Variants in CSMD2 observed in about 807,000 individuals in gnomAD.
CSMD2 encodes CUB and sushi domain-containing protein 2.
In CSMD2, 130 loss-of-function variants were observed where a neutral mutation model predicts 398.5. The observed-to-expected ratio is 0.33, with a 90% CI of 0.28 to 0.38. The LOEUF (loss-of-function observed/expected upper bound fraction) is 0.38, where lower values mean the gene tolerates loss of function less well. Among genes scored for constraint, CSMD2 ranks in the 10% least tolerant of loss-of-function variants. CSMD2 has a pLI of 1.00. For synonymous variants in CSMD2, 1,828 were observed against 1,908.5 expected (o/e 0.96, Z 1.10); for missense variants, 3,829 against 4,764.9 (o/e 0.80, Z 5.78).
chr1:33,992,635 G>A (rs1646593173), intron 3 of CSMD2, among the ~76,000 whole-genome samples: 1 of 151,740 alleles, frequency 6.6e-6, no homozygotes, highest in African/African-American at 2.4e-5. Context: ...TTGGGAGGCT[G>A]AGGTGGGCAG....
intron 57 of CSMD2, among the ~76,000 whole-genome samples, chr1:33,544,424 T>G (rs1360613168): frequency 5.3e-5 from 8 of 152,088 alleles, no homozygotes; most frequent in Non-Finnish European, 8.8e-5. Context: ...GCCTCCATAT[T>G]TGTCTTGTAT....
chr1:33,996,727 C>T (rs1214651530), intron 3 of CSMD2, among the ~76,000 whole-genome samples: 2 of 148,394 alleles, frequency 1.3e-5, no homozygotes, highest in South Asian at 2.1e-4. Context: ...AAACTGGAAC[C>T]GATTCTACGA....
chr1:33,710,685 C>T (rs1337176309), intron 21 of CSMD2, among the ~76,000 whole-genome samples: 1 of 152,144 alleles, frequency 6.6e-6, no homozygotes, highest in Admixed American at 6.5e-5. Context: ...TTGCTTGGGC[C>T]TTATAGTTAA....
intron 13 of CSMD2, among the ~76,000 whole-genome samples, chr1:33,748,871 C>T (rs1647772552): frequency 6.6e-6 from 1 of 152,136 alleles, no homozygotes; most frequent in Non-Finnish European, 1.5e-5. Context: ...TGCCCATGGA[C>T]TATTACAAAA....
chr1:33,907,516 A>G (rs1183191089), intron 5 of CSMD2, among the ~76,000 whole-genome samples: 1 of 151,980 alleles, frequency 6.6e-6, no homozygotes, highest in East Asian at 1.9e-4. Context: ...GAATGGGGAG[A>G]GAAGACTTGA....
In CSMD2 at chr1:33,602,515, G is replaced by T. The variant is rs377152497; in HGVS notation, c.6564C>A (p.Asn2188Lys). The T allele has an allele frequency of 1.9e-6, 3 of 1,593,444 alleles. No homozygotes were observed. The highest frequency in any genetic ancestry group is 1.3e-5 in the African/African-American group (1 of 74,592). ...VPCGGNITSS[N>K]GTVYSPGFPS... ...GGAACCCCGGGGAGTACACAGTGCC[G>T]TTGGAAGAAGTGATGTTCCCGCCAC... Residue 2188 changes from asparagine to lysine, a missense_variant, in exon 43 of 71, where the codon AAC becomes AAA. Asn to Lys is a moderately conservative substitution (Grantham distance 94). Coordinates refer to ENST00000373381, the MANE Select transcript of CSMD2 (RefSeq NM_001281956.2).
At chr1:33,683,984 G>A (rs1644985878) in intron 25 of CSMD2, among the ~76,000 whole-genome samples, 1 of 152,178 alleles carries the variant, frequency 6.6e-6, no homozygotes, top group Non-Finnish European at 1.5e-5. Flanking sequence ...CATGATTCCT[G>A]GCAAGAGCTG....
chr1:33,831,055 G>A (rs1251445891), intron 6 of CSMD2, among the ~76,000 whole-genome samples: 5 of 152,132 alleles, frequency 3.3e-5, no homozygotes, highest in Non-Finnish European at 5.9e-5. Context: ...TGAAAGTGAC[G>A]GGGAGAATGG....
intron 64 of CSMD2, among the ~76,000 whole-genome samples, chr1:33,529,004 C>G (rs896365488): frequency 6.6e-6 from 1 of 152,150 alleles, no homozygotes; most frequent in Non-Finnish European, 1.5e-5. Context: ...TTCCAGCTCT[C>G]TAGTTTGCAG....
intron 5 of CSMD2, among the ~76,000 whole-genome samples, chr1:33,895,898 C>G (rs573753688): frequency 2.4e-4 from 37 of 152,256 alleles, no homozygotes; most frequent in Middle Eastern, 3.4e-3. Flanking sequence ...GAGCAACCAA[C>G]TCCCCTCTCA....
chr1:34,159,335 C>T (rs549099264), intron 1 of CSMD2, among the ~76,000 whole-genome samples: 3,430 of 81,136 alleles, frequency 0.042, 161 homozygotes, highest in African/African-American at 0.15. Flanking sequence ...CCTGCCCCCC[C>T]CCCACCCAGG....
intron 1 of CSMD2, among the ~76,000 whole-genome samples, chr1:34,101,355 TTTTGGATGA>T (rs1319024316): frequency 6.6e-6 from 1 of 152,194 alleles, no homozygotes; most frequent in African/African-American, 2.4e-5. Flanking sequence ...CATTCATTTG[TTTTGGATGA>T]TTTGGATGAT....
At chr1:33,659,600 C>G (rs970887041) in intron 26 of CSMD2, among the ~76,000 whole-genome samples, 19 of 152,196 alleles carry the variant, frequency 1.2e-4, no homozygotes, top group Non-Finnish European at 2.5e-4. Context: ...AAATGTGAAG[C>G]CTTAAAGATA....
At chr1:33,620,048 T>C (rs1398580146) in intron 37 of CSMD2, among the ~76,000 whole-genome samples, 1 of 152,166 alleles carries the variant, frequency 6.6e-6, no homozygotes, top group Non-Finnish European at 1.5e-5. Context: ...GGGAGAAAGA[T>C]GAGGCTGAAG....
chr1:33,618,385 G>C (rs1382898494), intron 37 of CSMD2, among the ~76,000 whole-genome samples: 2 of 151,992 alleles, frequency 1.3e-5, no homozygotes, highest in East Asian at 3.9e-4. Flanking sequence ...TGAATTGTGG[G>C]ACCTCCTTGC....
At chr1:33,595,974 C>G (rs1006297798) in intron 44 of CSMD2, among the ~76,000 whole-genome samples, 5 of 152,196 alleles carry the variant, frequency 3.3e-5, no homozygotes, top group Non-Finnish European at 7.3e-5. Context: ...CTATTTTCTT[C>G]CATATCTCTA....
intron 3 of CSMD2, among the ~76,000 whole-genome samples, chr1:33,958,507 C>T (rs1017311980): frequency 7.9e-5 from 12 of 152,042 alleles, no homozygotes; most frequent in African/African-American, 2.9e-4. Flanking sequence ...GCAGACATAA[C>T]TGAGGTCCCT....
intron 1 of CSMD2, among the ~76,000 whole-genome samples, chr1:34,109,759 G>C (rs753705208): frequency 6.6e-6 from 1 of 152,104 alleles, no homozygotes; most frequent in Non-Finnish European, 1.5e-5. Context: ...ACATATATGA[G>C]CCAGGCACGG....
chr1:33,587,394 T>A (rs1017774265), intron 44 of CSMD2, among the ~76,000 whole-genome samples: 13 of 152,200 alleles, frequency 8.5e-5, no homozygotes, highest in Non-Finnish European at 1.5e-5. Context: ...AAGGAGTCAG[T>A]GACACCATCA....
Sources: gnomAD v4.1 joint callset for allele counts (sites outside exome capture counted in the v4.1 genomes callset) on GRCh38, gnomAD v4.1.1 for gene constraint, MANE v1.5 for transcripts, NCBI Gene and HGNC (gene_info 2026-07-23, HGNC 2026-07-21) for gene names.